GFRA1: variants seen among roughly 807,000 people sequenced by gnomAD.
GFRA1 encodes GDNF family receptor alpha-1.
In GFRA1, 16 loss-of-function variants were observed where a neutral mutation model predicts 51.6. The ratio of observed to expected loss-of-function variants is 0.31; its 90% CI spans 0.21 to 0.47. The LOEUF (loss-of-function observed/expected upper bound fraction) is 0.47, where lower values mean the gene tolerates loss of function less well. Among genes scored for constraint, GFRA1 ranks in the 20% least tolerant of loss-of-function variants. The probability of loss-of-function intolerance (pLI) is 1.00; values close to 1 mark genes in which losing one functional copy is unlikely to be tolerated. For missense variants in GFRA1, 530 were observed against 594.3 expected, an observed-to-expected ratio of 0.89 and a Z score of 1.13; for synonymous variants, 270 against 241.3, an observed-to-expected ratio of 1.12 and a Z score of -1.10.
chr10:116,188,106 G>A (rs887897559), intron 5 of GFRA1, among the ~76,000 whole-genome samples: 1 of 152,156 alleles, frequency 6.6e-6, no homozygotes. Context: ...ATGAAAGGGA[G>A]CAAGCAGGAT....
At chr10:116,251,286 G>A (rs1968334244) in intron 4 of GFRA1, among the ~76,000 whole-genome samples, 1 of 152,214 alleles carries the variant, frequency 6.6e-6, no homozygotes, top group South Asian at 2.1e-4. Context: ...GAAGGAAGAA[G>A]TCATCCAAAG....
At chr10:116,101,642 T>G (rs777479052) in intron 6 of GFRA1, among the ~76,000 whole-genome samples, 2 of 152,162 alleles carry the variant, frequency 1.3e-5, no homozygotes, top group Non-Finnish European at 2.9e-5. Context: ...CTGCAACAGT[T>G]TTAGGAAAGT....
intron 6 of GFRA1, among the ~76,000 whole-genome samples, chr10:116,123,088 G>T (rs1012234976): frequency 6.6e-6 from 1 of 152,216 alleles, no homozygotes; most frequent in African/African-American, 2.4e-5. Flanking sequence ...CCCGAGCAAA[G>T]CTCCCTACAG....
At chr10:116,271,852 T>G (rs1843967586) in intron 2 of GFRA1, 138 bp downstream of exon 2, 2 of 752,680 alleles carry the variant, frequency 2.7e-6, no homozygotes, top group South Asian at 3.0e-5. Flanking sequence ...GCGATCCCAT[T>G]CCCCAAAAAG....
intron 7 of GFRA1, among the ~76,000 whole-genome samples, chr10:116,094,454 T>C (rs1956490857): frequency 6.6e-6 from 1 of 152,242 alleles, no homozygotes; most frequent in South Asian, 2.1e-4. Context: ...GGACTCTCAA[T>C]GGTGCTCAAA....
In GFRA1 at chr10:116,204,187, G is replaced by A. The variant is rs564369225; in HGVS notation, c.433+7444C>T. On this transcript the variant is annotated intron_variant, in intron 5 of 10. Coordinates refer to ENST00000355422, the MANE Select transcript of GFRA1 (RefSeq NM_005264.8). ...ACCTGAAGTCAAAATCCTGGTCCAG[G>A]TGTCTTACCATGGGAGTGGGAATTT... is the stretch of plus-strand genomic sequence containing the variant. 3.3e-5 allele frequency among the ~76,000 whole-genome samples: 5 copies of A among 152,356 alleles called. No homozygotes were observed. In the South Asian group the frequency reaches 1.0e-3, roughly 32 times the overall value.
At chr10:116,089,696 C>CA in intron 9 of GFRA1, 45 bp downstream of exon 9, 9 of 1,532,428 alleles carry the variant, frequency 5.9e-6, no homozygotes, top group Non-Finnish European at 8.1e-6. Flanking sequence ...TTCACCCCCC[C>CA]ACCAGGAAGG....
At chr10:116,248,394 C>A (rs1968046106) in intron 4 of GFRA1, among the ~76,000 whole-genome samples, 1 of 152,170 alleles carries the variant, frequency 6.6e-6, no homozygotes, top group Non-Finnish European at 1.5e-5. Flanking sequence ...CCTTACAGGG[C>A]ATGAAGGGGA....
chr10:116,146,827 T>C (rs949820647), intron 5 of GFRA1, among the ~76,000 whole-genome samples: 4 of 152,148 alleles, frequency 2.6e-5, no homozygotes, highest in East Asian at 1.9e-4. Flanking sequence ...TCTTCACCAA[T>C]TGCAGTTAAA....
chr10:116,196,646 TAA>T lies in GFRA1; in HGVS notation c.433+14983_433+14984del, dbSNP rs1491212422. On this transcript the variant is annotated intron_variant, in intron 5 of 10. Transcript: ENST00000355422. ...TATATATAATATATAGTACTATATA[TAA>T]TATATATATAGTACTATATATAATA... Among the ~76,000 whole-genome samples the T allele has an allele frequency of 5.2e-3, 42 of 8,148 alleles. 7 individuals carry two copies. Among genetic ancestry groups the T allele is most frequent in the African/African-American group, 0.01 (39 of 3,898 alleles). 5.3% of individuals were successfully genotyped at this position (8,148 alleles called of 152,430 possible).
intron 6 of GFRA1, among the ~76,000 whole-genome samples, chr10:116,107,295 C>G (rs1957042912): frequency 6.6e-6 from 1 of 152,134 alleles, no homozygotes; most frequent in African/African-American, 2.4e-5. Flanking sequence ...TTCTCTGGAC[C>G]AGCCCAGGGG....
intron 8 of GFRA1, among the ~76,000 whole-genome samples, chr10:116,090,866 T>G (rs1481056982): frequency 6.6e-6 from 1 of 152,232 alleles, no homozygotes; most frequent in Non-Finnish European, 1.5e-5. Flanking sequence ...CTAATCTTCC[T>G]CTTAGAAGTG....
At chr10:116,158,959 C>T (rs1276914151) in intron 5 of GFRA1, among the ~76,000 whole-genome samples, 2 of 152,222 alleles carry the variant, frequency 1.3e-5, no homozygotes, top group East Asian at 1.9e-4. Context: ...TCTCACCAAA[C>T]GCATGGGCAT....
chr10:116,172,918 C>T (rs369425961), intron 5 of GFRA1, among the ~76,000 whole-genome samples: 73 of 152,246 alleles, frequency 4.8e-4, no homozygotes, highest in African/African-American at 1.5e-3. Context: ...AGCCAAGAGC[C>T]CCTTGCGAGA....
chr10:116,131,401 T>G (rs1322627237), intron 5 of GFRA1, among the ~76,000 whole-genome samples: 2 of 152,174 alleles, frequency 1.3e-5, no homozygotes, highest in African/African-American at 2.4e-5. Flanking sequence ...AAATTCTACT[T>G]TTAGGTTTTT....
chr10:116,135,584 G>T (rs529958836), intron 5 of GFRA1, among the ~76,000 whole-genome samples: 1 of 152,064 alleles, frequency 6.6e-6, no homozygotes, highest in African/African-American at 2.4e-5. Context: ...GACTTCTATC[G>T]CCATCTTTTA....
intron 4 of GFRA1, among the ~76,000 whole-genome samples, chr10:116,267,574 G>A (rs200702778): frequency 2.0e-5 from 3 of 152,122 alleles, no homozygotes; most frequent in Non-Finnish European, 2.9e-5. Context: ...AATGACCATG[G>A]AGAGGTTCAT....
intron 6 of GFRA1, among the ~76,000 whole-genome samples, chr10:116,123,051 G>C (rs1589806222): frequency 6.6e-6 from 1 of 152,330 alleles, no homozygotes; most frequent in Non-Finnish European, 1.5e-5. Flanking sequence ...AGATCTTCAG[G>C]ATCTCTGCTC....
At chr10:116,194,271 C>T (rs1353974064) in intron 5 of GFRA1, among the ~76,000 whole-genome samples, 3 of 152,040 alleles carry the variant, frequency 2.0e-5, no homozygotes, top group Non-Finnish European at 2.9e-5. Flanking sequence ...TAAATGAGAA[C>T]ACAATATCTA....
Sources: gnomAD v4.1 joint callset for allele counts (sites outside exome capture counted in the v4.1 genomes callset) on GRCh38, gnomAD v4.1.1 for gene constraint, MANE v1.5 for transcripts, NCBI Gene and HGNC (gene_info 2026-07-23, HGNC 2026-07-21) for gene names.